CDH18: variants seen among roughly 807,000 people sequenced by gnomAD.
CDH18 encodes the protein cadherin 18.
In CDH18, 31 loss-of-function variants were observed where a neutral mutation model predicts 67.9. The ratio of observed to expected loss-of-function variants is 0.46; its 90% CI spans 0.34 to 0.62. The LOEUF is 0.62. Among genes scored for constraint, CDH18 ranks in the 20% least tolerant of loss-of-function variants. The pLI is 0.01. For missense variants in CDH18, 890 were observed against 975.5 expected (o/e 0.91, Z 1.17); for synonymous variants, 362 against 347.2 (o/e 1.04, Z -0.48).
At chr5:20,139,739 A>G (rs1224588918) in intron 2 of CDH18, among the ~76,000 whole-genome samples, 3 of 152,222 alleles carry the variant, frequency 2.0e-5, no homozygotes, top group African/African-American at 7.2e-5. Flanking sequence ...ACTGGCCATC[A>G]GAGAAATGCA....
In CDH18 at chr5:19,616,197, C is replaced by T. The variant is rs188826630; in HGVS notation, c.644-3596G>A. 2.0e-3 allele frequency among the ~76,000 whole-genome samples: 309 copies of T among 152,162 alleles called. 1 individual carries two copies. The Middle Eastern group carries it at 0.024, about 12-fold the overall frequency. Reference sequence around the variant, plus strand: ...AAATTCAAGAGTAATTCACAGCCTACGTTCCATTCTCACAATGCTTAGCAT... The same window carrying T: ...AAATTCAAGAGTAATTCACAGCCTATGTTCCATTCTCACAATGCTTAGCAT... On this transcript the variant is annotated intron_variant, in intron 5 of 12. Coordinates refer to ENST00000382275, the MANE Select transcript of CDH18 (RefSeq NM_004934.5).
At chr5:19,621,660 C>T (rs1399272940) in intron 5 of CDH18, among the ~76,000 whole-genome samples, 1 of 152,010 alleles carries the variant, frequency 6.6e-6, no homozygotes, top group Non-Finnish European at 1.5e-5. Flanking sequence ...TGGTGGTTTT[C>T]CAGGGGCTGA....
chr5:19,883,444 A>ATTTTTTT (rs56161925), intron 2 of CDH18, among the ~76,000 whole-genome samples: 1 of 146,972 alleles, frequency 6.8e-6, no homozygotes, highest in Non-Finnish European at 1.5e-5. Flanking sequence ...CTACATCAAC[A>ATTTTTTT]TTTTTTTTTT....
At chr5:19,656,291 GT>G (rs1561552332) in intron 5 of CDH18, among the ~76,000 whole-genome samples, 2 of 151,812 alleles carry the variant, frequency 1.3e-5, no homozygotes, top group Admixed American at 1.3e-4. Context: ...AATAATTCGT[GT>G]TTTTTCTTTA....
intron 2 of CDH18, among the ~76,000 whole-genome samples, chr5:19,997,854 G>A (rs747459473): frequency 6.6e-6 from 1 of 152,146 alleles, no homozygotes; most frequent in African/African-American, 2.4e-5. Context: ...AATTCATCTT[G>A]AGTAGGTAGA....
chr5:20,280,134 A>G (rs1306916509), intron 1 of CDH18, among the ~76,000 whole-genome samples: 1 of 152,090 alleles, frequency 6.6e-6, no homozygotes, highest in African/African-American at 2.4e-5. Context: ...AATATGTATG[A>G]CATTTCTTTT....
intron 1 of CDH18, among the ~76,000 whole-genome samples, chr5:20,561,261 C>T (rs1177350897): frequency 1.3e-5 from 2 of 151,988 alleles, no homozygotes; most frequent in Non-Finnish European, 2.9e-5. Flanking sequence ...TGGTACTTAC[C>T]CAAATAAGTT....
At chr5:19,490,394 GTTTTTTTTTTTTTTTTTTT>G (rs70950073) in intron 11 of CDH18, among the ~76,000 whole-genome samples, 2 of 60,210 alleles carry the variant, frequency 3.3e-5, no homozygotes, top group Non-Finnish European at 6.0e-5. Flanking sequence ...ATAAAAATCT[GTTTTTTTTTTTTTTTTTTT>G]TTTTTTTTTT....
chr5:19,473,674 T>C lies in CDH18; in HGVS notation c.1925A>G (p.Glu642Gly). The C allele has an allele frequency of 6.2e-7, 1 of 1,613,322 alleles. No individual in the cohort carries two copies. Among genetic ancestry groups the C allele is most frequent in the Non-Finnish European group, 8.5e-7 (1 of 1,179,630 alleles). Residue 642 changes from glutamate (E) to glycine (G), a missense_variant, in exon 13 of 13, where the codon GAG becomes GGG. Transcript: ENST00000382275. The stretch of plus-strand genomic sequence containing the variant: ...ATCCTCTTCTGAAATGATCAAGGGC[T>C]CTTTTTTGCTGCGCCTCAGGGTGAT... ...LFITLRRSKK[E>G]PLIISEEDVR...
chr5:20,563,155 A>C (rs890584108), intron 1 of CDH18, among the ~76,000 whole-genome samples: 1 of 146,940 alleles, frequency 6.8e-6, no homozygotes, highest in Non-Finnish European at 1.5e-5. Flanking sequence ...ATGTCTCTGC[A>C]ACAAATAATA....
rs374768682 is a variant in CDH18, at chr5:20,441,494, C to CAA, written c.-580+133966_-580+133967dup. Among the ~76,000 whole-genome samples the CAA allele has an allele frequency of 2.9e-5, 4 of 138,734 alleles. No individual in the cohort carries two copies. The East Asian group carries it at 8.2e-4, about 28-fold the overall frequency. The allele number at this position is 138,734 out of a possible 152,430, so 91.0% of individuals were successfully genotyped here. A position where few individuals can be genotyped will look rare whatever the true frequency, so the allele number is the denominator to read the frequency against. On this transcript the variant is annotated intron_variant, in intron 1 of 14. Transcript: ENST00000507958. ...ACACAGAGCAAAAAACTACACAGAG[C>CAA]AAAAAAAAAACATTTCATCCCATTT...
In CDH18 at chr5:19,549,451, C is replaced by T. The variant is rs185072398; in HGVS notation, c.1254-5446G>A. ...TAACCTCTTTTCTTTATAAATGACC[C>T]AGCTTCAGGTATTTTTATAGCAACA... On this transcript the variant is annotated intron_variant, in intron 8 of 12. Coordinates refer to ENST00000382275, the MANE Select transcript of CDH18 (RefSeq NM_004934.5). Among the ~76,000 whole-genome samples, 601 of 152,208 alleles carry T rather than the reference C, an allele frequency of 3.9e-3. 1 individual carries two copies. Among genetic ancestry groups the T allele is most frequent in the Non-Finnish European group, 6.4e-3 (437 of 68,012 alleles).
At chr5:20,000,939 TTA>T (rs1004631440) in intron 2 of CDH18, among the ~76,000 whole-genome samples, 13 of 152,200 alleles carry the variant, frequency 8.5e-5, no homozygotes, top group Non-Finnish European at 1.8e-4. Flanking sequence ...AAATGTAACT[TTA>T]TATGACTAAT....
intron 9 of CDH18, among the ~76,000 whole-genome samples, chr5:19,525,318 A>T (rs1381405310): frequency 6.6e-6 from 1 of 152,176 alleles, no homozygotes; most frequent in Non-Finnish European, 1.5e-5. Flanking sequence ...GACTCTGTCC[A>T]TTATGACCCA....
At chr5:20,431,487 CAAAAAAAAAA>C (rs560015111) in intron 1 of CDH18, among the ~76,000 whole-genome samples, 1 of 66,246 alleles carries the variant, frequency 1.5e-5, no homozygotes, top group Non-Finnish European at 3.0e-5. Context: ...GAGTGAAACT[CAAAAAAAAAA>C]AAAAAAAAAG....
At chr5:19,755,459 A>ATATATATATATATG in intron 3 of CDH18, among the ~76,000 whole-genome samples, 2 of 9,658 alleles carry the variant, frequency 2.1e-4, no homozygotes, top group South Asian at 0.014. Context: ...ATATATATAT[A>ATATATATATATATG]CACACACACA....
chr5:19,809,949 G>A (rs761649134), intron 3 of CDH18, among the ~76,000 whole-genome samples: 25 of 152,076 alleles, frequency 1.6e-4, no homozygotes, highest in Non-Finnish European at 3.1e-4. Flanking sequence ...ATGAGAATGG[G>A]AACATCGAGC....
rs1023692921 is a variant in CDH18, at chr5:19,471,877, T to C, written c.*1349A>G. Among the ~76,000 whole-genome samples, 4 of 152,286 alleles carry C rather than the reference T, an allele frequency of 2.6e-5. No individual in the cohort carries two copies. In the East Asian group the frequency reaches 7.7e-4, roughly 29 times the overall value. On this transcript the variant is annotated 3_prime_UTR_variant, in exon 13 of 13. Transcript: ENST00000382275. The stretch of plus-strand genomic sequence containing the variant: ...GAAACTAGAAAATTAGATAAGCGTC[T>C]GCAAGCTTTTATGCAATTGAATACT...
intron 10 of CDH18, among the ~76,000 whole-genome samples, chr5:19,515,261 G>C (rs1745794176): frequency 6.6e-6 from 1 of 152,186 alleles, no homozygotes; most frequent in African/African-American, 2.4e-5. Context: ...TTGTAGTATA[G>C]TTTGAAGTCA....
Sources: allele counts gnomAD v4.1 joint callset (sites outside exome capture counted in the v4.1 genomes callset), GRCh38; gene constraint gnomAD v4.1.1; transcripts MANE v1.5; gene names NCBI Gene and HGNC (gene_info 2026-07-23, HGNC 2026-07-21).